The following TBC1D2B variants were observed in gnomAD, a reference collection of about 807,000 sequenced individuals.
TBC1D2B encodes TBC1 domain family member 2B, also known as TBC1 domain family, member 2B.
Under a neutral mutation model 100.8 loss-of-function variants are expected in TBC1D2B, and 64 were observed. That is an observed-to-expected ratio of 0.64 (90% CI 0.52 to 0.78). The LOEUF is 0.78. Among genes scored for constraint, TBC1D2B ranks in the 30% least tolerant of loss-of-function variants. TBC1D2B has a pLI of 0.00. For synonymous variants in TBC1D2B, 480 were observed against 479.7 expected (o/e 1.00, Z -0.01); for missense variants, 1,052 against 1,218.4 (o/e 0.86, Z 2.03).
chr15:78,017,752 CT>C, intron 7 of TBC1D2B, 94 bp downstream of exon 7: 1 of 708,434 alleles, frequency 1.4e-6, no homozygotes, highest in South Asian at 2.0e-5. Context: ...CTCTCCAAGC[CT>C]GGGAGTTGAA....
chr15:78,012,578 G>A (rs1303752841), intron 9 of TBC1D2B, among the ~76,000 whole-genome samples: 2 of 152,202 alleles, frequency 1.3e-5, no homozygotes, highest in African/African-American at 4.8e-5. Flanking sequence ...GAAAAAATGA[G>A]ACTCCAAGTA....
At chr15:78,073,570 T>G (rs888723022) in intron 1 of TBC1D2B, among the ~76,000 whole-genome samples, 1 of 152,188 alleles carries the variant, frequency 6.6e-6, no homozygotes, top group Non-Finnish European at 1.5e-5. Flanking sequence ...GTTCTTGCAT[T>G]TGAAAGACGA....
At chr15:78,045,471 T>TTTTG (rs1191964774) in intron 2 of TBC1D2B, among the ~76,000 whole-genome samples, 5 of 152,210 alleles carry the variant, frequency 3.3e-5, no homozygotes, top group African/African-American at 1.2e-4. Context: ...GCAGATCAGA[T>TTTTG]TATACAAGGG....
At chr15:78,042,169 C>G (rs1210302168) in intron 3 of TBC1D2B, among the ~76,000 whole-genome samples, 1 of 152,178 alleles carries the variant, frequency 6.6e-6, no homozygotes, top group Non-Finnish European at 1.5e-5. Flanking sequence ...GTTCACTTTC[C>G]TAGGCAGGAG....
intron 1 of TBC1D2B, among the ~76,000 whole-genome samples, chr15:78,062,783 C>A (rs4887000): frequency 0.49 from 74,178 of 151,938 alleles, 19,010 homozygotes; most frequent in East Asian, 0.63. Flanking sequence ...ATCAATTAAA[C>A]AATTACTGTG....
At chr15:78,021,469 C>T (rs903321983) in intron 6 of TBC1D2B, among the ~76,000 whole-genome samples, 4 of 152,196 alleles carry the variant, frequency 2.6e-5, no homozygotes, top group South Asian at 2.1e-4. Flanking sequence ...TCAGTGCGCT[C>T]CCTCTTTCTC....
chr15:78,047,698 C>T (rs893040300), intron 2 of TBC1D2B, among the ~76,000 whole-genome samples: 1 of 152,228 alleles, frequency 6.6e-6, no homozygotes, highest in Non-Finnish European at 1.5e-5. Flanking sequence ...TCCATCAGGA[C>T]ACTAGAGTCC....
chr15:78,015,760 T>G (rs2072356839), intron 8 of TBC1D2B, among the ~76,000 whole-genome samples: 2 of 152,220 alleles, frequency 1.3e-5, no homozygotes. Flanking sequence ...ATAAAACCCT[T>G]AGCACAGCTC....
intron 3 of TBC1D2B, among the ~76,000 whole-genome samples, chr15:78,037,560 G>A (rs1383691216): frequency 1.3e-5 from 2 of 152,086 alleles, no homozygotes; most frequent in African/African-American, 4.8e-5. Flanking sequence ...GCTGACAGCG[G>A]GGAGGGACAG....
rs2071717858 is a variant in TBC1D2B at position 77,995,235 on chromosome 15, A to G, written c.*2925T>C. On this transcript the variant is annotated 3_prime_UTR_variant, in exon 13 of 13. Coordinates refer to ENST00000300584, the MANE Select transcript of TBC1D2B (RefSeq NM_144572.2). ...GCCCCGGAACACACAGGAAGACAAC[A>G]CTATAGGATGGCAGGTGGGGATCTG... 6.6e-6 allele frequency: 1 copy of G among 152,184 alleles called. No individual in the cohort carries two copies. Among genetic ancestry groups the G allele is most frequent in the African/African-American group, 2.4e-5 (1 of 41,434 alleles). 9.4% of individuals were successfully genotyped at this position (152,184 alleles called of 1,614,324 possible).
chr15:78,064,955 CA>C, intron 1 of TBC1D2B, among the ~76,000 whole-genome samples: 1 of 152,290 alleles, frequency 6.6e-6, no homozygotes, highest in Non-Finnish European at 1.5e-5. Context: ...AATTAGCATT[CA>C]TATGTCTTAC....
At chr15:78,052,948 G>A (rs1400232137) in intron 2 of TBC1D2B, among the ~76,000 whole-genome samples, 2 of 152,332 alleles carry the variant, frequency 1.3e-5, no homozygotes, top group African/African-American at 4.8e-5. Flanking sequence ...AGAGCGCTAA[G>A]ACAGTCGTGA....
Position 78,024,281 on chromosome 15 carries a change from C to A in TBC1D2B, c.1345G>T (p.Ala449Ser). The A allele has an allele frequency of 6.2e-7, 1 of 1,614,068 alleles. No individual in the cohort carries two copies. The highest frequency in any genetic ancestry group is 8.5e-7 in the Non-Finnish European group (1 of 1,179,910). ...QLGMLMETIQ[A>S]KDEVIIKLSE... The stretch of plus-strand genomic sequence containing the variant: ...AGCTTGATGATGACCTCGTCCTTGG[C>A]TTGGATGGTCTCCATGAGCATTCCC... Residue 449 changes from alanine to serine, a missense_variant, in exon 6 of 13, where the codon GCC becomes TCC. Coordinates refer to ENST00000300584, the MANE Select transcript of TBC1D2B (RefSeq NM_144572.2).
At position 78,077,181 on chromosome 15, in the gene TBC1D2B, T is replaced by G; in HGVS notation, c.360+112A>C. On this transcript the variant is annotated intron_variant, in intron 1 of 12. Transcript: ENST00000300584. ...AGAAGCAGGGAAAGGCAGGCCGACG[T>G]GGGCAGGGGCGAGGAGGCCTTGGAG... The G allele has an allele frequency of 3.0e-6, 4 of 1,331,550 alleles. No individual in the cohort carries two copies. In the South Asian group the frequency reaches 6.8e-5, roughly 23 times the overall value. 82.5% of individuals were successfully genotyped at this position (1,331,550 alleles called of 1,614,324 possible). A position where few individuals can be genotyped will look rare whatever the true frequency, so the allele number is the denominator to read the frequency against.
intron 3 of TBC1D2B, among the ~76,000 whole-genome samples, chr15:78,043,849 C>T (rs965234932): frequency 6.6e-6 from 1 of 151,908 alleles, no homozygotes; most frequent in African/African-American, 2.4e-5. Flanking sequence ...ATAGAGGGAA[C>T]CCTGTCTCTA....
In TBC1D2B at chr15:78,012,927, T is replaced by G; in HGVS notation, c.2166A>C (p.Lys722Asn). 6.5e-7 allele frequency: 1 copy of G among 1,548,682 alleles called. No homozygotes were observed. Among genetic ancestry groups the G allele is most frequent in the Non-Finnish European group, 8.7e-7 (1 of 1,145,610 alleles). Residue 722 changes from lysine (K) to asparagine (N), a missense_variant, in exon 9 of 13, where the codon AAA becomes AAC. Coordinates refer to ENST00000300584, the MANE Select transcript of TBC1D2B (RefSeq NM_144572.2). Reference sequence around the variant, plus strand: ...CTTCTGAGGTGGGGCAGGAGTAATGTTTGTTGTTGGGCAGAGTTCGCAGCA... The same window carrying G: ...CTTCTGAGGTGGGGCAGGAGTAATGGTTGTTGTTGGGCAGAGTTCGCAGCA... ...LDLLRTLPNN[K>N]HYSCPTSEGI...
chr15:78,066,789 T>C (rs1361966349), intron 1 of TBC1D2B, among the ~76,000 whole-genome samples: 1 of 152,224 alleles, frequency 6.6e-6, no homozygotes, highest in Non-Finnish European at 1.5e-5. Flanking sequence ...GCCAACTGCC[T>C]GTTTTCCTTT....
At chr15:78,043,897 G>C (rs1368121864) in intron 3 of TBC1D2B, among the ~76,000 whole-genome samples, 2 of 152,166 alleles carry the variant, frequency 1.3e-5, no homozygotes, top group East Asian at 3.9e-4. Context: ...GCCGGGCATG[G>C]TGGTGCACAC....
intron 3 of TBC1D2B, among the ~76,000 whole-genome samples, chr15:78,030,923 T>C (rs1010086586): frequency 4.6e-5 from 7 of 152,230 alleles, no homozygotes; most frequent in African/African-American, 1.4e-4. Flanking sequence ...CAATTATTGA[T>C]TGAGCCTACA....
Sources: allele counts gnomAD v4.1 joint callset (sites outside exome capture counted in the v4.1 genomes callset), GRCh38; gene constraint gnomAD v4.1.1; transcripts MANE v1.5; gene names NCBI Gene and HGNC (gene_info 2026-07-23, HGNC 2026-07-21).